GGNBP2: variants seen among roughly 807,000 people sequenced by gnomAD.
GGNBP2 encodes gametogenetin-binding protein 2.
A neutral mutation model predicts 85.9 loss-of-function variants in GGNBP2; 10 were observed. That is an observed-to-expected ratio of 0.12 (90% confidence interval 0.07 to 0.20). The LOEUF (loss-of-function observed/expected upper bound fraction) is 0.20, where lower values mean the gene tolerates loss of function less well. Among genes scored for constraint, GGNBP2 ranks in the 10% least tolerant of loss-of-function variants. The pLI is 1.00. For synonymous variants in GGNBP2, 287 were observed against 285.7 expected, an observed-to-expected ratio of 1.00 and a Z score of -0.05; for missense variants, 595 against 857.8, an observed-to-expected ratio of 0.69 and a Z score of 3.83.
intron 9 of GGNBP2, 34 bp from the exon 10 acceptor site, chr17:36,585,266 G>A (rs747693400): frequency 6.3e-7 from 1 of 1,587,828 alleles, no homozygotes; most frequent in Admixed American, 1.8e-5. Flanking sequence ...ATGGAGTAAA[G>A]CTCTTGACTC....
Position 36,589,141 on chromosome 17 carries a change from GTCC to G in GGNBP2, c.1891-60_1891-58del, listed in dbSNP as rs952720011. ...AGTTAGACTGGTTTAATTTTTAGCT[GTCC>G]TCCTCCATTACATAACATTTTGCAT... On this transcript the variant is annotated intron_variant, in intron 13 of 13. Coordinates refer to ENST00000613102, the MANE Select transcript of GGNBP2 (RefSeq NM_024835.5). 4.0e-5 allele frequency: 45 copies of G among 1,132,928 alleles called. No homozygotes were observed. The Admixed American group carries it at 5.3e-4, about 13-fold the overall frequency. 70.2% of individuals were successfully genotyped at this position (1,132,928 alleles called of 1,614,324 possible).
intron 2 of GGNBP2, among the ~76,000 whole-genome samples, chr17:36,552,445 C>T (rs1323272749): frequency 6.6e-6 from 1 of 152,114 alleles, no homozygotes; most frequent in East Asian, 1.9e-4. Context: ...TTCAGTCATC[C>T]TCACCAGATT....
At chr17:36,586,360 TGGG>T (rs1274501356) in intron 12 of GGNBP2, 162 bp downstream of exon 12, 2 of 786,326 alleles carry the variant, frequency 2.5e-6, no homozygotes, top group South Asian at 2.0e-5. Context: ...GAGTGTGGGT[TGGG>T]GGCAGAGAGA....
intron 2 of GGNBP2, among the ~76,000 whole-genome samples, chr17:36,550,746 G>T (rs1477090057): frequency 6.6e-6 from 1 of 152,178 alleles, no homozygotes; most frequent in Non-Finnish European, 1.5e-5. Context: ...GCTATGGGTA[G>T]GGAACCTCTT....
chr17:36,575,648 A>ATATATATATATATTT (rs374366757), intron 6 of GGNBP2, among the ~76,000 whole-genome samples: 6 of 54,912 alleles, frequency 1.1e-4, no homozygotes, highest in African/African-American at 1.1e-4. Flanking sequence ...ATATATATAT[A>ATATATATATATATTT]TTTTTTTTTT....
rs2074427373 is a variant in GGNBP2, at chr17:36,562,512, C to T, written c.527+1641C>T. Among the ~76,000 whole-genome samples the T allele has an allele frequency of 3.3e-5, 5 of 151,026 alleles. No homozygotes were observed. In the South Asian group the frequency reaches 1.0e-3, roughly 32 times the overall value. ...AAATATCTCATTTGTGTCATTGTCA[C>T]CTTTTTTTGATTTTTTTTTTTTTTT... is the stretch of plus-strand genomic sequence containing the variant. On this transcript the variant is annotated intron_variant, in intron 5 of 13. Transcript: ENST00000613102.
In GGNBP2 at chr17:36,589,223, A is replaced by C. The variant is rs2074734035; in HGVS notation, c.1906A>C (p.Thr636Pro). The change falls in exon 14 of 14, where the codon ACT becomes CCT. Residue 636 changes from threonine (T) to proline (P), a missense_variant. Around this residue, in one of 9 missense-constraint regions of GGNBP2, gnomAD observed 120 missense variants for 126.3 expected, o/e 0.95. Transcript: ENST00000613102. ...LVELLDESEC[T>P]SDEEIFISQD... ...TAATTTGCAGGATGAGTCTGAATGT[A>C]CTTCAGATGAGGAAATCTTTATCTC... is the stretch of plus-strand genomic sequence containing the variant. The C allele has an allele frequency of 6.2e-7, 1 of 1,607,454 alleles. No homozygotes were observed. The highest frequency in any genetic ancestry group is 1.3e-5 in the African/African-American group (1 of 74,832).
intron 6 of GGNBP2, among the ~76,000 whole-genome samples, chr17:36,572,935 A>G (rs1020305269): frequency 6.6e-6 from 1 of 152,014 alleles, no homozygotes; most frequent in Admixed American, 6.6e-5. Context: ...TAGCACTTGA[A>G]TTTTTGTGAT....
chr17:36,575,903 T>C (rs1555607668), intron 6 of GGNBP2, among the ~76,000 whole-genome samples: 1 of 150,160 alleles, frequency 6.7e-6, no homozygotes, highest in Non-Finnish European at 1.5e-5. Context: ...CGCCTTTGCC[T>C]CCCAAAGGGC....
intron 2 of GGNBP2, among the ~76,000 whole-genome samples, chr17:36,550,689 T>C (rs1230855466): frequency 3.3e-5 from 5 of 152,214 alleles, no homozygotes; most frequent in African/African-American, 1.2e-4. Context: ...TCAATAAACT[T>C]TATAAAGCAG....
intron 7 of GGNBP2, 71 bp from the exon 8 acceptor site, chr17:36,579,174 C>G (rs1366523610): frequency 5.2e-6 from 7 of 1,339,946 alleles, no homozygotes; most frequent in Non-Finnish European, 6.3e-6. Flanking sequence ...AAAACCTGAA[C>G]TTGCAGCTGT....
At chr17:36,559,033 C>T (rs762314261) in intron 4 of GGNBP2, among the ~76,000 whole-genome samples, 17 of 152,058 alleles carry the variant, frequency 1.1e-4, no homozygotes, top group Middle Eastern at 3.2e-3. Context: ...TGCGTGGTTG[C>T]TCACACCTAT....
chr17:36,549,687 T>C (rs1308553382), intron 2 of GGNBP2, among the ~76,000 whole-genome samples: 1 of 152,238 alleles, frequency 6.6e-6, no homozygotes, highest in Admixed American at 6.5e-5. Context: ...AAACATTTTT[T>C]CTTGTCATTC....
Position 36,545,787 on chromosome 17 carries a change from G to A in GGNBP2, c.63G>A (p.Gln21=). The A allele has an allele frequency of 6.3e-7, 1 of 1,576,664 alleles. No homozygotes were observed. Among genetic ancestry groups the A allele is most frequent in the Non-Finnish European group, 8.6e-7 (1 of 1,161,592 alleles). ...GEEEFPFERR[Q]IPLYIDDTLT... ...AGGAGTTCCCCTTCGAGAGGAGGCA[G>A]ATTCCCCTCTACATAGACGACACCC... is the stretch of plus-strand genomic sequence containing the variant. Residue 21 remains glutamine (Q), a synonymous_variant, in exon 2 of 14, where the codon CAG becomes CAA. Coordinates refer to ENST00000613102, the MANE Select transcript of GGNBP2 (RefSeq NM_024835.5).
At position 36,557,087 on chromosome 17, in the gene GGNBP2, A is replaced by G. The variant is rs773791954; in HGVS notation, c.179A>G (p.His60Arg). ...GAQLKQFIQR[H>R]GMLKQQDLSI... ...CATTTTCTTTCCCTCTTTCAGCGAC[A>G]TGGTATGCTTAAGCAACAGGATCTA... is the stretch of plus-strand genomic sequence containing the variant. The change falls in exon 4 of 14, where the codon CAT becomes CGT. Residue 60 changes from histidine to arginine, a missense_variant. His to Arg is a conservative substitution (Grantham distance 29, BLOSUM62 0). Transcript: ENST00000613102. 6.8e-6 allele frequency: 11 copies of G among 1,613,960 alleles called. No homozygotes were observed. The highest frequency in any genetic ancestry group is 2.7e-5 in the African/African-American group (2 of 74,918).
chr17:36,566,958 G>A (rs912593837), intron 5 of GGNBP2, among the ~76,000 whole-genome samples: 9 of 152,072 alleles, frequency 5.9e-5, no homozygotes, highest in African/African-American at 2.2e-4. Flanking sequence ...TTGAGGTCAG[G>A]GGTTTGAGGC....
rs2074373362 is a variant in GGNBP2 at position 36,557,417 on chromosome 17, G to A, written c.428+81G>A. 7.7e-6 allele frequency: 9 copies of A among 1,172,498 alleles called. No individual in the cohort carries two copies. In the South Asian group the frequency reaches 1.2e-4, roughly 16 times the overall value. The allele number at this position is 1,172,498 out of a possible 1,614,324, so 72.6% of individuals were successfully genotyped here. A position where few individuals can be genotyped will look rare whatever the true frequency, so the allele number is the denominator to read the frequency against. ...GACAGTGGCAGCTTATTTTCTTGAT[G>A]GAAAGATTGAGTCTGATTTAATAAT... is the stretch of plus-strand genomic sequence containing the variant. On this transcript the variant is annotated intron_variant, in intron 4 of 13. Coordinates refer to ENST00000613102, the MANE Select transcript of GGNBP2 (RefSeq NM_024835.5).
At chr17:36,565,265 T>C (rs2074456686) in intron 5 of GGNBP2, among the ~76,000 whole-genome samples, 1 of 152,132 alleles carries the variant, frequency 6.6e-6, no homozygotes, top group African/African-American at 2.4e-5. Flanking sequence ...GTTGCAATGA[T>C]TGAAAAGTGA....
At chr17:36,562,800 A>T (rs2074430568) in intron 5 of GGNBP2, among the ~76,000 whole-genome samples, 1 of 151,034 alleles carries the variant, frequency 6.6e-6, no homozygotes. Flanking sequence ...CCTCATCTCT[A>T]CTAAAAATAT....
Sources: gnomAD v4.1 joint callset for allele counts (sites outside exome capture counted in the v4.1 genomes callset) on GRCh38, gnomAD v4.1.1 for gene constraint, gnomAD v4.1.1 regional missense constraint, MANE v1.5 for transcripts, NCBI Gene and HGNC (gene_info 2026-07-23, HGNC 2026-07-21) for gene names.